The following C2CD5 variants were observed in gnomAD, a reference collection of about 807,000 sequenced individuals.
C2CD5 encodes the protein C2 domain-containing protein 5.
Under a neutral mutation model 130.3 loss-of-function variants are expected in C2CD5, and 109 were observed. The ratio of observed to expected loss-of-function variants is 0.84; its 90% CI spans 0.72 to 0.98. The LOEUF is 0.98. Ranked by LOEUF, C2CD5 falls within the 50% of genes least tolerant of loss-of-function variation. C2CD5 has a pLI of 0.00. For missense variants in C2CD5, 996 were observed against 1,261.8 expected (o/e 0.79, Z 3.19); for synonymous variants, 454 against 429.2 (o/e 1.06, Z -0.71).
intron 2 of C2CD5, among the ~76,000 whole-genome samples, chr12:22,538,757 C>T (rs1272699460): frequency 2.0e-5 from 3 of 152,126 alleles, no homozygotes; most frequent in African/African-American, 7.2e-5. Context: ...TGTTCTTTTG[C>T]TTTTATCAAG....
At chr12:22,491,620 T>C (rs1207131706) in intron 11 of C2CD5, among the ~76,000 whole-genome samples, 1 of 152,272 alleles carries the variant, frequency 6.6e-6, no homozygotes, top group East Asian at 1.9e-4. Flanking sequence ...ACGCCTGTAA[T>C]CCCAGCACTT....
intron 14 of C2CD5, among the ~76,000 whole-genome samples, chr12:22,481,363 G>A (rs1042871645): frequency 6.6e-6 from 1 of 152,120 alleles, no homozygotes; most frequent in Non-Finnish European, 1.5e-5. Context: ...GATGGCAAGA[G>A]AATTCAAATT....
intron 12 of C2CD5, among the ~76,000 whole-genome samples, chr12:22,486,277 T>C (rs1224609340): frequency 6.6e-6 from 1 of 152,066 alleles, no homozygotes; most frequent in African/African-American, 2.4e-5. Context: ...TGGTCACTCA[T>C]TCCCAGCTAC....
At chr12:22,543,938 C>A in intron 2 of C2CD5, 123 bp downstream of exon 2, 2 of 715,078 alleles carry the variant, frequency 2.8e-6, no homozygotes, top group South Asian at 3.3e-5. Flanking sequence ...GAGAGCTGGA[C>A]AACCACGGCC....
intron 15 of C2CD5, among the ~76,000 whole-genome samples, chr12:22,476,929 A>T (rs1811114888): frequency 6.6e-6 from 1 of 152,140 alleles, no homozygotes; most frequent in African/African-American, 2.4e-5. Flanking sequence ...TACCAAATAA[A>T]AATAATGTAC....
In C2CD5 at chr12:22,521,451, G is replaced by C. The variant is rs1045459886; in HGVS notation, c.800+1975C>G. ...CCTTGCTCTCTGTATTTCATTCTAAGGAACCAACAGGTAATATAGCTTTGT... is the reference window on the plus strand; with the variant it reads ...CCTTGCTCTCTGTATTTCATTCTAACGAACCAACAGGTAATATAGCTTTGT... On this transcript the variant is annotated intron_variant, in intron 7 of 26. Coordinates refer to ENST00000446597, the MANE Select transcript of C2CD5 (RefSeq NM_001286176.2). Among the ~76,000 whole-genome samples, 3 of 152,226 alleles carry C rather than the reference G, an allele frequency of 2.0e-5. No individual in the cohort carries two copies. In the East Asian group the frequency reaches 5.8e-4, roughly 29 times the overall value.
At chr12:22,462,923 C>A (rs969423564) in intron 22 of C2CD5, among the ~76,000 whole-genome samples, 1 of 151,610 alleles carries the variant, frequency 6.6e-6, no homozygotes, top group Non-Finnish European at 1.5e-5. Flanking sequence ...CCCATCACTA[C>A]AAAAAAAGAT....
chr12:22,520,680 T>C (rs1252531233), intron 7 of C2CD5, among the ~76,000 whole-genome samples: 1 of 152,100 alleles, frequency 6.6e-6, no homozygotes, highest in Non-Finnish European at 1.5e-5. Flanking sequence ...ATGCTATATT[T>C]ATTATAATCA....
Position 22,472,023 on chromosome 12 carries a change from G to T in C2CD5, c.2212C>A (p.Leu738Met). The change falls in exon 19 of 27, where the codon CTG (leucine) becomes ATG (methionine). Residue 738 changes from leucine (L) to methionine (M), a missense_variant. By Grantham distance (15) the Leu-to-Met change is conservative (BLOSUM62 2). Around this residue, in one of 9 missense-constraint regions of C2CD5, gnomAD observed 590 missense variants for 631.4 expected, o/e 0.93. Transcript: ENST00000446597. ...VRVIRLSSLNLTNQALNKNFN... is the reference protein window; with the variant it reads ...VRVIRLSSLNMTNQALNKNFN... ...TTCTTATTGAGAGCTTGATTAGTCA[G>T]GTTGAGGCTGCTTAATCTGATTACT... 1 of 1,608,950 alleles carries T rather than the reference G, an allele frequency of 6.2e-7. No homozygotes were observed. The highest frequency in any genetic ancestry group is 8.5e-7 in the Non-Finnish European group (1 of 1,176,432).
At chr12:22,500,495 A>G (rs769508188) in intron 10 of C2CD5, among the ~76,000 whole-genome samples, 29 of 152,320 alleles carry the variant, frequency 1.9e-4, no homozygotes, top group East Asian at 3.9e-4. Flanking sequence ...TACCACTTCT[A>G]TAAGTTTCTC....
rs771450251 is a variant in C2CD5 at position 22,523,527 on chromosome 12, C to T, written c.699G>A (p.Gly233=). The T allele has an allele frequency of 1.2e-6, 2 of 1,613,948 alleles. No homozygotes were observed. Among genetic ancestry groups the T allele is most frequent in the Admixed American group, 1.7e-5 (1 of 59,974 alleles). The part of the protein sequence containing the change: ...LQCFDLEGES[G]LVVRAIGTAC... ...CCGTTCCTATGGCTCGCACCACTAA[C>T]CCAGACTCGCCCTCCAGATCGAAAC... is the stretch of plus-strand genomic sequence containing the variant. Residue 233 remains glycine, a synonymous_variant, in exon 7 of 27, where the codon GGG becomes GGA. Transcript: ENST00000446597.
At chr12:22,538,376 T>C (rs1952020827) in intron 2 of C2CD5, among the ~76,000 whole-genome samples, 1 of 152,218 alleles carries the variant, frequency 6.6e-6, no homozygotes, top group Non-Finnish European at 1.5e-5. Context: ...AAATAAAATA[T>C]AGTAAGAAAT....
At chr12:22,537,459 A>G (rs1307239545) in intron 2 of C2CD5, among the ~76,000 whole-genome samples, 1 of 152,186 alleles carries the variant, frequency 6.6e-6, no homozygotes, top group Non-Finnish European at 1.5e-5. Context: ...TTTTGCCAAC[A>G]TTGGATGATT....
chr12:22,505,726 T>C (rs575519808), intron 10 of C2CD5, among the ~76,000 whole-genome samples: 2 of 152,262 alleles, frequency 1.3e-5, no homozygotes, highest in South Asian at 4.2e-4. Context: ...AGGGCCTGAA[T>C]CCAGTGGGAC....
intron 9 of C2CD5, among the ~76,000 whole-genome samples, chr12:22,513,067 T>C (rs1949362099): frequency 1.3e-5 from 2 of 152,202 alleles, no homozygotes; most frequent in Non-Finnish European, 2.9e-5. Context: ...GTATTTCTGA[T>C]AAAAGATTAA....
At chr12:22,467,588 T>C (rs1942294859) in intron 22 of C2CD5, among the ~76,000 whole-genome samples, 1 of 152,206 alleles carries the variant, frequency 6.6e-6, no homozygotes, top group South Asian at 2.1e-4. Context: ...GAGAATCTTT[T>C]CACATTTTAC....
At chr12:22,450,597 T>C (rs1336797971) in intron 26 of C2CD5, among the ~76,000 whole-genome samples, 1 of 152,096 alleles carries the variant, frequency 6.6e-6, no homozygotes, top group Non-Finnish European at 1.5e-5. Context: ...TATATATCCT[T>C]CTATATTTAT....
intron 3 of C2CD5, 63 bp from the exon 4 acceptor site, chr12:22,527,955 T>A: frequency 1.1e-6 from 1 of 894,034 alleles, no homozygotes. Flanking sequence ...CACAAATGTA[T>A]ACCTATATCA....
At chr12:22,486,362 T>C (rs1945518243) in intron 12 of C2CD5, among the ~76,000 whole-genome samples, 1 of 152,154 alleles carries the variant, frequency 6.6e-6, no homozygotes, top group South Asian at 2.1e-4. Flanking sequence ...AGGTGAAGCT[T>C]TAATCCTAAT....
Sources: allele counts gnomAD v4.1 joint callset (sites outside exome capture counted in the v4.1 genomes callset), GRCh38; gene constraint gnomAD v4.1.1; regional missense constraint gnomAD v4.1.1; transcripts MANE v1.5; gene names NCBI Gene and HGNC (gene_info 2026-07-23, HGNC 2026-07-21).